The following SLIT3 variants were observed in gnomAD, a reference collection of about 807,000 sequenced individuals.
SLIT3 encodes slit guidance ligand 3.
SLIT3 carries 68 observed loss-of-function variants against 184.0 expected under a neutral mutation model. The ratio of observed to expected loss-of-function variants is 0.37; its 90% CI spans 0.30 to 0.45. The LOEUF (loss-of-function observed/expected upper bound fraction) is 0.45, where lower values mean the gene tolerates loss of function less well. SLIT3 is among the 20% of genes least tolerant of loss of function. SLIT3 has a pLI of 1.00. For synonymous variants in SLIT3, 831 were observed against 828.6 expected (o/e 1.00, Z -0.05); for missense variants, 1,707 against 2,026.0 (o/e 0.84, Z 3.02).
chr5:168,674,275 G>A (rs1308712656), intron 32 of SLIT3, among the ~76,000 whole-genome samples: 1 of 152,114 alleles, frequency 6.6e-6, no homozygotes, highest in Non-Finnish European at 1.5e-5. Flanking sequence ...CAGTTGGTAA[G>A]ACATAGAGCA....
intron 3 of SLIT3, among the ~76,000 whole-genome samples, chr5:169,214,493 G>A (rs937830499): frequency 6.6e-6 from 1 of 152,214 alleles, no homozygotes; most frequent in Non-Finnish European, 1.5e-5. Flanking sequence ...AGGGTGACTG[G>A]GAGGGCCCTC....
intron 4 of SLIT3, among the ~76,000 whole-genome samples, chr5:168,935,899 T>C (rs1261899162): frequency 6.6e-6 from 1 of 152,198 alleles, no homozygotes; most frequent in African/African-American, 2.4e-5. Context: ...CTTTCCAAGA[T>C]GGCAAACATT....
At chr5:168,895,284 G>A (rs1178096997) in intron 4 of SLIT3, among the ~76,000 whole-genome samples, 1 of 152,140 alleles carries the variant, frequency 6.6e-6, no homozygotes, top group African/African-American at 2.4e-5. Flanking sequence ...TTCCACTGAG[G>A]AAACATGAAC....
intron 1 of SLIT3, among the ~76,000 whole-genome samples, chr5:169,270,347 C>T (rs1284004389): frequency 2.6e-5 from 4 of 152,314 alleles, no homozygotes; most frequent in African/African-American, 9.6e-5. Context: ...CTACAGCCCA[C>T]AGGCCCGATC....
intron 11 of SLIT3, 116 bp from the exon 12 acceptor site, chr5:168,786,094 T>C: frequency 1.4e-6 from 1 of 693,478 alleles, no homozygotes; most frequent in African/African-American, 1.8e-5. Context: ...GGACAACCCC[T>C]TCCACGGCCT....
At chr5:169,070,059 A>G (rs1351283826) in intron 4 of SLIT3, among the ~76,000 whole-genome samples, 2 of 152,118 alleles carry the variant, frequency 1.3e-5, no homozygotes, top group Non-Finnish European at 2.9e-5. Context: ...GGAAATGAAA[A>G]GTGATATTTG....
intron 6 of SLIT3, among the ~76,000 whole-genome samples, chr5:168,835,731 A>G (rs1055155242): frequency 3.3e-5 from 5 of 151,872 alleles, no homozygotes; most frequent in Non-Finnish European, 7.4e-5. Flanking sequence ...GAGTTGCTTG[A>G]ACTGGGGAGG....
chr5:168,879,022 C>A (rs1181708593), intron 5 of SLIT3, among the ~76,000 whole-genome samples: 1 of 152,194 alleles, frequency 6.6e-6, no homozygotes, highest in Non-Finnish European at 1.5e-5. Flanking sequence ...GCCACAGCCT[C>A]TTCTTTCTTG....
At chr5:168,773,612 G>T (rs1191184997) in intron 13 of SLIT3, among the ~76,000 whole-genome samples, 1 of 152,120 alleles carries the variant, frequency 6.6e-6, no homozygotes, top group Non-Finnish European at 1.5e-5. Context: ...ACCTGGGCAT[G>T]GGGCTGAGGT....
intron 4 of SLIT3, among the ~76,000 whole-genome samples, chr5:169,128,722 G>A (rs76224872): frequency 3.9e-5 from 6 of 152,072 alleles, no homozygotes; most frequent in Non-Finnish European, 5.9e-5. Flanking sequence ...GAGCCACCGC[G>A]CCCAGCCTGT....
At chr5:168,735,604 G>A (rs1246235522) in intron 20 of SLIT3, among the ~76,000 whole-genome samples, 8 of 150,758 alleles carry the variant, frequency 5.3e-5, no homozygotes, top group Non-Finnish European at 1.2e-4. Context: ...GCAGTACCCG[G>A]CACACTGGTG....
At chr5:168,852,532 G>C (rs1758716990) in intron 5 of SLIT3, among the ~76,000 whole-genome samples, 3 of 152,202 alleles carry the variant, frequency 2.0e-5, no homozygotes, top group African/African-American at 7.2e-5. Flanking sequence ...CAGGGTCGAG[G>C]ACACAAATCG....
chr5:168,941,754 G>A (rs1196456246), intron 4 of SLIT3, among the ~76,000 whole-genome samples: 1 of 152,150 alleles, frequency 6.6e-6, no homozygotes, highest in South Asian at 2.1e-4. Context: ...TTAAGCACCA[G>A]GTCTATTTGA....
intron 4 of SLIT3, among the ~76,000 whole-genome samples, chr5:169,169,690 C>T (rs1762757489): frequency 6.6e-6 from 1 of 152,242 alleles, no homozygotes; most frequent in African/African-American, 2.4e-5. Flanking sequence ...CCCCAAATTA[C>T]TTGCCAGCAA....
At position 169,277,953 on chromosome 5, in the gene SLIT3, G is replaced by A. The variant is rs117363914; in HGVS notation, c.197+22560C>T. Among the ~76,000 whole-genome samples, 4 of 152,316 alleles carry A rather than the reference G, an allele frequency of 2.6e-5. No individual in the cohort carries two copies. The East Asian group carries it at 5.8e-4, about 22-fold the overall frequency. On this transcript the variant is annotated intron_variant, in intron 1 of 35. Coordinates refer to ENST00000519560, the MANE Select transcript of SLIT3 (RefSeq NM_003062.4). ...TTTCTCTTTGACTATAGCCTTCACA[G>A]TAGGTGTGATGAGCCTGTTTTTTGT...
intron 1 of SLIT3, among the ~76,000 whole-genome samples, chr5:169,298,451 CAGG>C (rs1396435570): frequency 6.6e-6 from 1 of 152,134 alleles, no homozygotes; most frequent in East Asian, 1.9e-4. Context: ...TCCTACACAC[CAGG>C]AGGAGAGGGA....
At chr5:168,773,885 C>A (rs957904091) in intron 13 of SLIT3, among the ~76,000 whole-genome samples, 2 of 152,126 alleles carry the variant, frequency 1.3e-5, no homozygotes, top group African/African-American at 4.8e-5. Flanking sequence ...ACCTCCTCTG[C>A]CTGGATTCAA....
intron 4 of SLIT3, among the ~76,000 whole-genome samples, chr5:168,956,482 C>T (rs1267720524): frequency 6.6e-6 from 1 of 152,154 alleles, no homozygotes; most frequent in African/African-American, 2.4e-5. Flanking sequence ...TGAGAAGGCT[C>T]AACCAGCTGA....
intron 4 of SLIT3, among the ~76,000 whole-genome samples, chr5:168,926,874 A>C (rs1460516010): frequency 1.3e-5 from 2 of 152,140 alleles, no homozygotes; most frequent in African/African-American, 4.8e-5. Context: ...AAAAAAAAAC[A>C]AGTGTTGTCA....
Sources: allele counts gnomAD v4.1 joint callset (sites outside exome capture counted in the v4.1 genomes callset), GRCh38; gene constraint gnomAD v4.1.1; transcripts MANE v1.5; gene names NCBI Gene and HGNC (gene_info 2026-07-23, HGNC 2026-07-21).